NKAIN3: variants seen among roughly 807,000 people sequenced by gnomAD.
The protein encoded by NKAIN3 is sodium/potassium-transporting ATPase subunit beta-1-interacting protein 3.
A neutral mutation model predicts 30.2 loss-of-function variants in NKAIN3; 25 were observed. The ratio of observed to expected loss-of-function variants is 0.83; its 90% confidence interval spans 0.60 to 1.16. NKAIN3 has a LOEUF of 1.16. Ranked by LOEUF, NKAIN3 falls within the 50% of genes most tolerant of loss-of-function variation. The pLI is 0.00. For synonymous variants in NKAIN3, 91 were observed against 89.6 expected, an observed-to-expected ratio of 1.02 and a Z score of -0.09; for missense variants, 225 against 254.1, an observed-to-expected ratio of 0.89 and a Z score of 0.78.
chr8:62,704,132 C>G (rs1455084303), intron 3 of NKAIN3, among the ~76,000 whole-genome samples: 1 of 152,110 alleles, frequency 6.6e-6, no homozygotes, highest in Non-Finnish European at 1.5e-5. Context: ...ATTTGGTTAC[C>G]CATCTTCCCT....
In NKAIN3 at chr8:62,966,453, T is replaced by A. The variant is rs1357353897; in HGVS notation, c.*1046T>A. The A allele has an allele frequency of 1.1e-6, 1 of 880,574 alleles. No homozygotes were observed. The highest frequency in any genetic ancestry group is 1.4e-6 in the Non-Finnish European group (1 of 734,394). The allele number at this position is 880,574 out of a possible 1,614,324, so 54.5% of individuals were successfully genotyped here. A position where few individuals can be genotyped will look rare whatever the true frequency, so the allele number is the denominator to read the frequency against. On this transcript the variant is annotated 3_prime_UTR_variant, in exon 7 of 7. Transcript: ENST00000623646. ...TTTTAACTGGCATAAAACTTACATA[T>A]GGTAAAATGCACAAATATTAATGGT...
At chr8:62,551,173 T>A (rs1185767752) in intron 1 of NKAIN3, among the ~76,000 whole-genome samples, 1 of 152,112 alleles carries the variant, frequency 6.6e-6, no homozygotes, top group Non-Finnish European at 1.5e-5. Flanking sequence ...AGAATACAAT[T>A]TCTATAGCTA....
At chr8:62,916,734 C>T (rs1430765860) in intron 4 of NKAIN3, among the ~76,000 whole-genome samples, 1 of 152,154 alleles carries the variant, frequency 6.6e-6, no homozygotes, top group Non-Finnish European at 1.5e-5. Context: ...ACTGCTTCCT[C>T]CTCTTCTCAC....
chr8:62,406,722 C>T (rs967666400), intron 1 of NKAIN3, among the ~76,000 whole-genome samples: 3 of 152,078 alleles, frequency 2.0e-5, no homozygotes, highest in African/African-American at 7.2e-5. Flanking sequence ...AGTCTTTATG[C>T]ACACCAAATA....
chr8:62,339,247 A>G (rs1815664196), intron 1 of NKAIN3, among the ~76,000 whole-genome samples: 1 of 151,996 alleles, frequency 6.6e-6, no homozygotes, highest in African/African-American at 2.4e-5. Flanking sequence ...TGAGAGAGAA[A>G]GGTAGACAGG....
chr8:62,464,820 AT>A (rs1402703775), intron 1 of NKAIN3, among the ~76,000 whole-genome samples: 1 of 152,176 alleles, frequency 6.6e-6, no homozygotes, highest in African/African-American at 2.4e-5. Flanking sequence ...TCATTCAATT[AT>A]TTGCACTTTG....
chr8:62,717,043 A>G (rs74421618), intron 3 of NKAIN3, among the ~76,000 whole-genome samples: 5,515 of 152,302 alleles, frequency 0.036, 343 homozygotes, highest in African/African-American at 0.13. Flanking sequence ...GAATTATCAT[A>G]GTTTCAATTC....
At chr8:62,885,177 T>G (rs1821108388) in intron 4 of NKAIN3, among the ~76,000 whole-genome samples, 1 of 152,230 alleles carries the variant, frequency 6.6e-6, no homozygotes, top group Non-Finnish European at 1.5e-5. Context: ...TTTTGTTGTT[T>G]TATTTTTATT....
chr8:62,779,191 C>G (rs938635700), intron 4 of NKAIN3, among the ~76,000 whole-genome samples: 1 of 152,070 alleles, frequency 6.6e-6, no homozygotes, highest in Admixed American at 6.6e-5. Context: ...AGGGGTGACA[C>G]AAGCTCTTTC....
At chr8:62,539,563 C>T (rs2036722740) in intron 1 of NKAIN3, among the ~76,000 whole-genome samples, 2 of 152,128 alleles carry the variant, frequency 1.3e-5, no homozygotes, top group African/African-American at 4.8e-5. Context: ...CTACACTGCA[C>T]CTGGGTGGTG....
chr8:62,427,837 T>C (rs1172192015), intron 1 of NKAIN3, among the ~76,000 whole-genome samples: 2 of 151,974 alleles, frequency 1.3e-5, no homozygotes, highest in Non-Finnish European at 2.9e-5. Flanking sequence ...CATGTCTTTG[T>C]ACTGGAAACA....
chr8:62,763,221 CAAAAAAAAAAAAAAAAAAAAAAAAA>C (rs55873861), intron 4 of NKAIN3, among the ~76,000 whole-genome samples: 2 of 47,162 alleles, frequency 4.2e-5, no homozygotes, highest in Non-Finnish European at 9.1e-5. Context: ...GACTCCGTCT[CAAAAAAAAAAAAAAAAAAAAAAAAA>C]AAAAAAAAAA....
chr8:62,310,083 G>A (rs1046336179), intron 1 of NKAIN3, among the ~76,000 whole-genome samples: 4 of 150,520 alleles, frequency 2.7e-5, no homozygotes, highest in Non-Finnish European at 4.4e-5. Flanking sequence ...GTTTGTTGCT[G>A]TCATAAAATA....
chr8:62,353,558 A>G (rs892996075), intron 1 of NKAIN3, among the ~76,000 whole-genome samples: 8 of 152,180 alleles, frequency 5.3e-5, no homozygotes, highest in Non-Finnish European at 1.0e-4. Flanking sequence ...GGAAATTAAA[A>G]CTATGAGATA....
chr8:62,477,187 G>A (rs1180309642), intron 1 of NKAIN3, among the ~76,000 whole-genome samples: 1 of 152,152 alleles, frequency 6.6e-6, no homozygotes, highest in Non-Finnish European at 1.5e-5. Flanking sequence ...GAGCCAGGTG[G>A]GAGTGCAGGC....
intron 3 of NKAIN3, among the ~76,000 whole-genome samples, chr8:62,689,300 C>T (rs558753686): frequency 6.6e-6 from 1 of 152,114 alleles, no homozygotes; most frequent in Non-Finnish European, 1.5e-5. Context: ...GTCTAGCTGC[C>T]CTAGGCTCCT....
At chr8:62,515,553 A>T (rs1433429398) in intron 1 of NKAIN3, among the ~76,000 whole-genome samples, 1 of 152,118 alleles carries the variant, frequency 6.6e-6, no homozygotes, top group African/African-American at 2.4e-5. Flanking sequence ...GGAGTTTGTT[A>T]TACAACTTCC....
At position 62,592,766 on chromosome 8, in the gene NKAIN3, T is replaced by C. The variant is rs567287871; in HGVS notation, c.273+2972T>C. On this transcript the variant is annotated intron_variant, in intron 3 of 6. Transcript: ENST00000623646. The stretch of plus-strand genomic sequence containing the variant: ...AATTAAAAAGATGGAAAATATATGC[T>C]ATGTAAACGATAATCAGAAGAAAAC... Among the ~76,000 whole-genome samples the C allele has an allele frequency of 4.6e-5, 7 of 152,058 alleles. No individual in the cohort carries two copies. In the East Asian group the frequency reaches 1.4e-3, roughly 29 times the overall value.
intron 4 of NKAIN3, among the ~76,000 whole-genome samples, chr8:62,819,154 T>TATATATATATATATATATAC (rs1184020630): frequency 4.3e-4 from 14 of 32,706 alleles, no homozygotes; most frequent in African/African-American, 9.9e-4. Context: ...TATATATACA[T>TATATATATATATATATATAC]ATATATATAT....
Sources: allele counts gnomAD v4.1 joint callset (sites outside exome capture counted in the v4.1 genomes callset), GRCh38; gene constraint gnomAD v4.1.1; transcripts MANE v1.5; gene names NCBI Gene and HGNC (gene_info 2026-07-23, HGNC 2026-07-21).